TMEM132D: variants seen among roughly 807,000 people sequenced by gnomAD.
TMEM132D encodes transmembrane protein 132D, also known as mature OL transmembrane protein.
A neutral mutation model predicts 62.3 loss-of-function variants in TMEM132D; 21 were observed. That is an observed-to-expected ratio of 0.34 (90% CI 0.24 to 0.49). TMEM132D has a LOEUF of 0.49. Ranked by LOEUF, TMEM132D falls within the 20% of genes least tolerant of loss-of-function variation. The pLI is 0.99. For missense variants in TMEM132D, 1,346 were observed against 1,402.8 expected (o/e 0.96, Z 0.65); for synonymous variants, 621 against 575.6 (o/e 1.08, Z -1.13).
intron 3 of TMEM132D, among the ~76,000 whole-genome samples, chr12:129,525,152 C>T (rs1875984730): frequency 6.8e-6 from 1 of 147,558 alleles, no homozygotes; most frequent in African/African-American, 2.5e-5. Flanking sequence ...GTCTCGATCT[C>T]CTGACTTCGT....
At chr12:129,667,311 T>G (rs1880400720) in intron 2 of TMEM132D, among the ~76,000 whole-genome samples, 1 of 152,220 alleles carries the variant, frequency 6.6e-6, no homozygotes, top group Non-Finnish European at 1.5e-5. Flanking sequence ...AATTTGGTTT[T>G]CTCTTTTGAA....
chr12:129,323,047 CT>C (rs750486681), intron 4 of TMEM132D, among the ~76,000 whole-genome samples: 5 of 152,148 alleles, frequency 3.3e-5, no homozygotes, highest in Admixed American at 6.5e-5. Flanking sequence ...TAAGTATTTC[CT>C]TCCAGTTTGT....
intron 1 of TMEM132D, among the ~76,000 whole-genome samples, chr12:129,788,027 C>G (rs548060560): frequency 1.5e-4 from 23 of 152,356 alleles, no homozygotes; most frequent in Admixed American, 4.6e-4. Context: ...GGCCCCCACC[C>G]AGGCATCCTG....
At chr12:129,791,047 G>A in intron 1 of TMEM132D, among the ~76,000 whole-genome samples, 1 of 152,178 alleles carries the variant, frequency 6.6e-6, no homozygotes, top group East Asian at 1.9e-4. Flanking sequence ...ATATTCTAGT[G>A]ACATATCTTT....
chr12:129,743,438 T>G (rs992340829), intron 1 of TMEM132D, among the ~76,000 whole-genome samples: 1 of 152,192 alleles, frequency 6.6e-6, no homozygotes, highest in African/African-American at 2.4e-5. Flanking sequence ...TCAGCACTTC[T>G]CCTTCCCGCC....
intron 4 of TMEM132D, among the ~76,000 whole-genome samples, chr12:129,313,530 A>G (rs1371365139): frequency 6.6e-6 from 1 of 150,738 alleles, no homozygotes; most frequent in Non-Finnish European, 1.5e-5. Flanking sequence ...GTATTCCATC[A>G]CATATATGTA....
chr12:129,119,003 G>A (rs1464802749), intron 5 of TMEM132D, among the ~76,000 whole-genome samples: 1 of 152,186 alleles, frequency 6.6e-6, no homozygotes, highest in Non-Finnish European at 1.5e-5. Flanking sequence ...CCTGCCCCCG[G>A]AACAGCCTTC....
chr12:129,139,229 A>C (rs1876668513), intron 5 of TMEM132D, among the ~76,000 whole-genome samples: 1 of 152,282 alleles, frequency 6.6e-6, no homozygotes, highest in Middle Eastern at 3.4e-3. Flanking sequence ...CTTTCTTTCC[A>C]GTAGAGAGCA....
chr12:129,144,821 C>T (rs951512440), intron 5 of TMEM132D, among the ~76,000 whole-genome samples: 2 of 152,124 alleles, frequency 1.3e-5, no homozygotes, highest in Admixed American at 6.5e-5. Context: ...ATCTATCCAG[C>T]TCTCTATTGA....
At chr12:129,173,947 G>A (rs146025631) in intron 5 of TMEM132D, among the ~76,000 whole-genome samples, 116 of 152,160 alleles carry the variant, frequency 7.6e-4, no homozygotes, top group African/African-American at 2.5e-3. Context: ...TCTCCAAATT[G>A]CTCAAATTTT....
intron 5 of TMEM132D, among the ~76,000 whole-genome samples, chr12:129,148,801 C>T (rs1029618238): frequency 3.3e-5 from 5 of 152,188 alleles, no homozygotes; most frequent in Non-Finnish European, 7.3e-5. Context: ...GGCTTCCTGG[C>T]AGGCCAGGGG....
At chr12:129,367,087 AG>A (rs1870438157) in intron 3 of TMEM132D, among the ~76,000 whole-genome samples, 2 of 152,352 alleles carry the variant, frequency 1.3e-5, no homozygotes, top group South Asian at 4.1e-4. Context: ...GGCTGAGCAC[AG>A]GGTGGCCCAT....
At chr12:129,902,980 T>C (rs1875412341) in intron 1 of TMEM132D, among the ~76,000 whole-genome samples, 1 of 152,108 alleles carries the variant, frequency 6.6e-6, no homozygotes, top group African/African-American at 2.4e-5. Context: ...AGAAAAGGCT[T>C]TCAGGAAACA....
intron 8 of TMEM132D, among the ~76,000 whole-genome samples, chr12:129,076,086 C>T (rs1029306918): frequency 2.3e-5 from 3 of 131,682 alleles, no homozygotes; most frequent in African/African-American, 1.1e-4. Flanking sequence ...AGCCAGCCAG[C>T]ATTACTCTCT....
intron 2 of TMEM132D, among the ~76,000 whole-genome samples, chr12:129,593,154 G>A (rs944936089): frequency 2.6e-5 from 4 of 152,090 alleles, no homozygotes; most frequent in African/African-American, 7.2e-5. Flanking sequence ...TAGAAACAAG[G>A]GTATGTAAAA....
chr12:129,414,441 C>T (rs181238709), intron 3 of TMEM132D, among the ~76,000 whole-genome samples: 165 of 152,298 alleles, frequency 1.1e-3, no homozygotes, highest in Non-Finnish European at 1.9e-3. Context: ...GGCCATTTCC[C>T]CCAGCTTTAC....
intron 5 of TMEM132D, among the ~76,000 whole-genome samples, chr12:129,207,016 G>GT (rs1878867976): frequency 6.6e-6 from 1 of 152,210 alleles, no homozygotes; most frequent in South Asian, 2.1e-4. Context: ...TATTACCTGG[G>GT]TGATGAAACT....
intron 2 of TMEM132D, among the ~76,000 whole-genome samples, chr12:129,564,788 T>C (rs906380725): frequency 2.6e-5 from 4 of 152,250 alleles, no homozygotes; most frequent in Non-Finnish European, 4.4e-5. Context: ...CATTTGTCAC[T>C]GTGCTTCCAT....
chr12:129,879,849 G>A (rs981249068), intron 1 of TMEM132D, among the ~76,000 whole-genome samples: 2 of 152,068 alleles, frequency 1.3e-5, no homozygotes, highest in African/African-American at 2.4e-5. Context: ...GAAAACAAAC[G>A]GAACAGAGCA....
Sources: allele counts gnomAD v4.1 joint callset (sites outside exome capture counted in the v4.1 genomes callset), GRCh38; gene constraint gnomAD v4.1.1; transcripts MANE v1.5; gene names NCBI Gene and HGNC (gene_info 2026-07-23, HGNC 2026-07-21).